Variants in KCNIP4 observed in about 807,000 individuals in gnomAD.
KCNIP4 encodes the protein potassium voltage-gated channel interacting protein 4.
In KCNIP4, 12 loss-of-function variants were observed where a neutral mutation model predicts 34.0. The observed-to-expected ratio is 0.35, with a 90% confidence interval of 0.23 to 0.57. The LOEUF (loss-of-function observed/expected upper bound fraction) is 0.57. KCNIP4 is among the 20% of genes least tolerant of loss of function. The pLI is 0.83. For synonymous variants in KCNIP4, 124 were observed against 102.2 expected (o/e 1.21, Z -1.29); for missense variants, 238 against 311.7 (o/e 0.76, Z 1.78).
chr4:20,967,498 C>G (rs1734479486), intron 1 of KCNIP4, among the ~76,000 whole-genome samples: 1 of 152,184 alleles, frequency 6.6e-6, no homozygotes, highest in South Asian at 2.1e-4. Context: ...AACAGCAAAG[C>G]TGGAGGCATC....
chr4:21,648,962 T>C (rs761775767), intron 1 of KCNIP4, among the ~76,000 whole-genome samples: 3 of 152,182 alleles, frequency 2.0e-5, no homozygotes, highest in Non-Finnish European at 4.4e-5. Context: ...TTGGTTATAA[T>C]TAATATACTC....
intron 1 of KCNIP4, among the ~76,000 whole-genome samples, chr4:21,188,106 T>C (rs564098574): frequency 1.3e-5 from 2 of 152,354 alleles, no homozygotes; most frequent in African/African-American, 4.8e-5. Context: ...TACTTAAGTA[T>C]GTGGAGGAAA....
chr4:21,614,862 G>C (rs1744466421), intron 1 of KCNIP4, among the ~76,000 whole-genome samples: 1 of 152,106 alleles, frequency 6.6e-6, no homozygotes. Flanking sequence ...GCAAACTCTG[G>C]AGCCATTTCA....
intron 1 of KCNIP4, among the ~76,000 whole-genome samples, chr4:21,397,396 A>G (rs776036563): frequency 6.6e-6 from 1 of 152,202 alleles, no homozygotes; most frequent in Non-Finnish European, 1.5e-5. Context: ...TATCAATAGC[A>G]TACTAAGAGG....
At chr4:20,946,207 GC>G (rs1274773582) in intron 1 of KCNIP4, among the ~76,000 whole-genome samples, 1 of 152,114 alleles carries the variant, frequency 6.6e-6, no homozygotes, top group African/African-American at 2.4e-5. Flanking sequence ...AGGAAAACAT[GC>G]TTTGAGAAAC....
At chr4:21,501,993 GCA>G (rs10559810) in intron 1 of KCNIP4, among the ~76,000 whole-genome samples, 80,041 of 144,800 alleles carry the variant, frequency 0.55, 21,936 homozygotes, top group Non-Finnish European at 0.59. Context: ...TCATGCACAC[GCA>G]CACACACACA....
At chr4:21,213,906 T>G (rs1577899051) in intron 1 of KCNIP4, among the ~76,000 whole-genome samples, 1 of 152,162 alleles carries the variant, frequency 6.6e-6, no homozygotes, top group African/African-American at 2.4e-5. Flanking sequence ...CCACCTCACA[T>G]TCTTCTTTTG....
intron 3 of KCNIP4, among the ~76,000 whole-genome samples, chr4:20,828,592 T>C (rs1202753229): frequency 6.6e-6 from 1 of 152,214 alleles, no homozygotes; most frequent in Non-Finnish European, 1.5e-5. Context: ...AGCTGTCCAT[T>C]TCATCCCATC....
At chr4:21,200,899 T>G (rs1577878344) in intron 1 of KCNIP4, among the ~76,000 whole-genome samples, 1 of 152,014 alleles carries the variant, frequency 6.6e-6, no homozygotes, top group East Asian at 1.9e-4. Context: ...TAGGCAGAAA[T>G]GCTGATTTCT....
intron 1 of KCNIP4, among the ~76,000 whole-genome samples, chr4:21,585,641 A>G (rs1034719444): frequency 3.3e-5 from 5 of 152,042 alleles, no homozygotes; most frequent in African/African-American, 1.2e-4. Context: ...CAATACCCAT[A>G]TATTACAGGA....
At chr4:21,686,262 T>C (rs1226823397) in intron 1 of KCNIP4, among the ~76,000 whole-genome samples, 2 of 152,120 alleles carry the variant, frequency 1.3e-5, no homozygotes, top group African/African-American at 2.4e-5. Flanking sequence ...AGAAGAAAAC[T>C]GCAGCTAGAG....
intron 1 of KCNIP4, among the ~76,000 whole-genome samples, chr4:21,182,019 C>T (rs1237154165): frequency 6.6e-6 from 1 of 152,020 alleles, no homozygotes; most frequent in Non-Finnish European, 1.5e-5. Context: ...AGCCCTTAGT[C>T]AGAGGAGATA....
intron 1 of KCNIP4, among the ~76,000 whole-genome samples, chr4:21,699,037 C>G (rs1712614533): frequency 6.6e-6 from 1 of 152,170 alleles, no homozygotes; most frequent in African/African-American, 2.4e-5. Flanking sequence ...CAAAAATCAG[C>G]AACGTGCTTT....
chr4:21,482,816 C>T (rs1294855550), intron 1 of KCNIP4, among the ~76,000 whole-genome samples: 1 of 152,102 alleles, frequency 6.6e-6, no homozygotes, highest in East Asian at 1.9e-4. Flanking sequence ...CGAGGAGTAT[C>T]TTTGTGGCAT....
intron 1 of KCNIP4, among the ~76,000 whole-genome samples, chr4:21,187,314 G>T (rs1755306145): frequency 6.6e-6 from 1 of 152,116 alleles, no homozygotes; most frequent in African/African-American, 2.4e-5. Context: ...AGTTAATCAT[G>T]TGTGACTGCA....
At chr4:21,546,031 C>G (rs35775522) in intron 1 of KCNIP4, among the ~76,000 whole-genome samples, 1 of 152,016 alleles carries the variant, frequency 6.6e-6, no homozygotes, top group Non-Finnish European at 1.5e-5. Context: ...TATGGACTTG[C>G]CTTGAATTCT....
intron 1 of KCNIP4, among the ~76,000 whole-genome samples, chr4:21,229,466 C>T (rs1758642758): frequency 6.6e-6 from 1 of 152,084 alleles, no homozygotes; most frequent in Admixed American, 6.6e-5. Flanking sequence ...CACACAGTGC[C>T]CTGTTAATTT....
intron 1 of KCNIP4, among the ~76,000 whole-genome samples, chr4:21,713,241 A>G (rs1419255377): frequency 6.6e-6 from 1 of 152,206 alleles, no homozygotes; most frequent in South Asian, 2.1e-4. Context: ...ATATGTCATC[A>G]ATGGGAGTTG....
chr4:21,107,253 C>G lies in KCNIP4; in HGVS notation c.62-224544G>C, dbSNP rs1014089914. Among the ~76,000 whole-genome samples the G allele has an allele frequency of 5.9e-4, 85 of 144,806 alleles. 2 individuals carry two copies. Among genetic ancestry groups the G allele is most frequent in the African/African-American group, 4.9e-4 (18 of 36,848 alleles). 95.0% of individuals were successfully genotyped at this position (144,806 alleles called of 152,430 possible). Reference sequence around the variant, plus strand: ...AGTCTAAGTCTCTTTGTAGGTCACTCAGGACTTGCTTTATGAATCTGGGTG... The same window carrying G: ...AGTCTAAGTCTCTTTGTAGGTCACTGAGGACTTGCTTTATGAATCTGGGTG... On this transcript the variant is annotated intron_variant, in intron 1 of 8. Coordinates refer to ENST00000382152, the MANE Select transcript of KCNIP4 (RefSeq NM_025221.6).
Sources: gnomAD v4.1 joint callset for allele counts (sites outside exome capture counted in the v4.1 genomes callset) on GRCh38, gnomAD v4.1.1 for gene constraint, MANE v1.5 for transcripts, NCBI Gene and HGNC (gene_info 2026-07-23, HGNC 2026-07-21) for gene names.